Variants in MARCHF1 observed in about 807,000 individuals in gnomAD.
MARCHF1 encodes E3 ubiquitin-protein ligase MARCHF1.
Under a neutral mutation model 54.2 loss-of-function variants are expected in MARCHF1, and 40 were observed. The observed-to-expected ratio is 0.74, with a 90% CI of 0.57 to 0.96. The LOEUF is 0.96. MARCHF1 is among the 40% of genes least tolerant of loss of function. The pLI is 0.00. For synonymous variants in MARCHF1, 236 were observed against 236.3 expected (o/e 1.00, Z 0.01); for missense variants, 586 against 656.5 (o/e 0.89, Z 1.17).
intron 4 of MARCHF1, among the ~76,000 whole-genome samples, chr4:163,719,816 A>G (rs1162011408): frequency 4.6e-5 from 7 of 152,152 alleles, no homozygotes; most frequent in African/African-American, 9.7e-5. Context: ...TCTTTTGGCT[A>G]CATAAATGTC....
intron 1 of MARCHF1, among the ~76,000 whole-genome samples, chr4:164,121,441 C>G (rs1217687613): frequency 6.6e-6 from 1 of 152,080 alleles, no homozygotes; most frequent in Non-Finnish European, 1.5e-5. Context: ...AAAACACGTC[C>G]TTCTTCACAA....
chr4:164,162,144 G>C (rs1730255665), intron 1 of MARCHF1, among the ~76,000 whole-genome samples: 1 of 152,044 alleles, frequency 6.6e-6, no homozygotes, highest in Non-Finnish European at 1.5e-5. Context: ...TATGTTTAAA[G>C]ACACAAAATA....
At chr4:164,218,385 T>C (rs1202157141) in intron 1 of MARCHF1, among the ~76,000 whole-genome samples, 1 of 152,052 alleles carries the variant, frequency 6.6e-6, no homozygotes, top group Non-Finnish European at 1.5e-5. Context: ...ATTCATAGTG[T>C]TGCATTAATG....
chr4:163,888,507 T>C (rs919326029), intron 3 of MARCHF1, among the ~76,000 whole-genome samples: 1 of 152,208 alleles, frequency 6.6e-6, no homozygotes, highest in African/African-American at 2.4e-5. Flanking sequence ...TGTTCTGGCA[T>C]CTTTTTATTC....
chr4:163,689,425 T>G (rs1744372043), intron 5 of MARCHF1, among the ~76,000 whole-genome samples: 1 of 152,232 alleles, frequency 6.6e-6, no homozygotes, highest in South Asian at 2.1e-4. Context: ...TCTGTGATGA[T>G]AGAAATATTC....
chr4:163,908,605 G>A (rs895189540), intron 3 of MARCHF1, among the ~76,000 whole-genome samples: 2 of 152,022 alleles, frequency 1.3e-5, no homozygotes, highest in African/African-American at 2.4e-5. Flanking sequence ...TAGATGATGG[G>A]AATTCTAGAA....
At chr4:164,050,946 GTAATAA>G (rs545614334) in intron 2 of MARCHF1, among the ~76,000 whole-genome samples, 159 of 151,410 alleles carry the variant, frequency 1.1e-3, no homozygotes, top group South Asian at 7.9e-3. Context: ...AATAATAATA[GTAATAA>G]TAATAATAAT....
intron 4 of MARCHF1, among the ~76,000 whole-genome samples, chr4:163,779,052 A>G (rs1747387684): frequency 6.6e-6 from 1 of 152,214 alleles, no homozygotes; most frequent in Non-Finnish European, 1.5e-5. Flanking sequence ...CCTCTTTTCA[A>G]AAATGTATTG....
intron 5 of MARCHF1, among the ~76,000 whole-genome samples, chr4:163,637,930 A>G (rs1226694711): frequency 1.3e-5 from 2 of 151,368 alleles, no homozygotes; most frequent in African/African-American, 4.9e-5. Flanking sequence ...TGATGAGTTC[A>G]TGTCCTTTGT....
rs79437611 is a variant in MARCHF1, at chr4:164,089,927, C to T, written c.-248+21661G>A. Among the ~76,000 whole-genome samples the T allele has an allele frequency of 3.0e-3, 450 of 151,420 alleles. 4 individuals are homozygous for T. The highest frequency in any genetic ancestry group is 0.01 in the African/African-American group (417 of 41,434). The stretch of plus-strand genomic sequence containing the variant: ...TTTAGATTCTTTCTGCCTCCTTGAG[C>T]AAATTTTAGTAAATTATATTTTCTT... On this transcript the variant is annotated intron_variant, in intron 2 of 9. Coordinates refer to ENST00000514618, the MANE Select transcript of MARCHF1 (RefSeq NM_001394959.1).
chr4:164,133,242 A>G (rs1756337535), intron 1 of MARCHF1, among the ~76,000 whole-genome samples: 1 of 152,194 alleles, frequency 6.6e-6, no homozygotes, highest in South Asian at 2.1e-4. Context: ...GACCTGCCCC[A>G]GTGGGGAAAA....
chr4:164,324,224 A>C lies in MARCHF1; in HGVS notation c.-323+59646T>G, dbSNP rs527459502. Among the ~76,000 whole-genome samples the C allele has an allele frequency of 8.6e-5, 13 of 152,000 alleles. No individual in the cohort carries two copies. In the South Asian group the frequency reaches 2.7e-3, roughly 31 times the overall value. ...ATTAGAAGTAGGAAAGGCATTTGAC[A>C]CATTTCATACATTCCTAAAGGAAAT... is the stretch of plus-strand genomic sequence containing the variant. On this transcript the variant is annotated intron_variant, in intron 1 of 9. Coordinates refer to ENST00000514618, the MANE Select transcript of MARCHF1 (RefSeq NM_001394959.1).
In MARCHF1 at chr4:163,717,480, A is replaced by G. The variant is rs182686750; in HGVS notation, c.112-16617T>C. On this transcript the variant is annotated intron_variant, in intron 4 of 9. Coordinates refer to ENST00000514618, the MANE Select transcript of MARCHF1 (RefSeq NM_001394959.1). ...AGATGTGTGTGTGTGTCTTTATAGC[A>G]GCATGTTTTGTAATCCTTTGGGTAT... Among the ~76,000 whole-genome samples the G allele has an allele frequency of 7.5e-3, 1,146 of 152,164 alleles. 7 individuals are homozygous for G. Among genetic ancestry groups the G allele is most frequent in the South Asian group, 0.021 (103 of 4,816 alleles).
chr4:164,277,306 G>T (rs1457230192), intron 1 of MARCHF1, among the ~76,000 whole-genome samples: 1 of 152,142 alleles, frequency 6.6e-6, no homozygotes, highest in Non-Finnish European at 1.5e-5. Context: ...ATGAATATTT[G>T]TTAAGTGAAG....
chr4:163,986,249 C>CCTTTTTTTTTTTTTTTTTTTTTTTT (rs1752864138), intron 3 of MARCHF1, among the ~76,000 whole-genome samples: 3 of 28,830 alleles, frequency 1.0e-4, no homozygotes, highest in Non-Finnish European at 1.5e-4. Flanking sequence ...TTAACCTCTT[C>CCTTTTTTTTTTTTTTTTTTTTTTTT]TTTTTTTTTT....
At chr4:163,934,506 C>T (rs571489554) in intron 3 of MARCHF1, among the ~76,000 whole-genome samples, 127 of 144,670 alleles carry the variant, frequency 8.8e-4, no homozygotes, top group Middle Eastern at 3.6e-3. Flanking sequence ...CCGCAGTGAG[C>T]CATGATCATG....
chr4:164,237,651 G>A (rs181388243), intron 1 of MARCHF1, among the ~76,000 whole-genome samples: 57 of 151,946 alleles, frequency 3.8e-4, no homozygotes, highest in African/African-American at 1.3e-3. Flanking sequence ...ATTCTATTCA[G>A]TTTCTTTTTT....
intron 1 of MARCHF1, among the ~76,000 whole-genome samples, chr4:164,239,529 A>C (rs1345580693): frequency 6.6e-6 from 1 of 152,128 alleles, no homozygotes; most frequent in Non-Finnish European, 1.5e-5. Flanking sequence ...ATAGTCCTTG[A>C]CAACTTTGAT....
intron 1 of MARCHF1, among the ~76,000 whole-genome samples, chr4:164,302,872 A>T (rs1469642691): frequency 3.2e-5 from 3 of 94,412 alleles, no homozygotes; most frequent in African/African-American, 9.8e-5. Context: ...CTGTCTTAAA[A>T]AAAAAAAAAA....
Sources: gnomAD v4.1 joint callset for allele counts (sites outside exome capture counted in the v4.1 genomes callset) on GRCh38, gnomAD v4.1.1 for gene constraint, MANE v1.5 for transcripts, NCBI Gene and HGNC (gene_info 2026-07-23, HGNC 2026-07-21) for gene names.